The following PRKCA variants were observed in gnomAD, a reference collection of about 807,000 sequenced individuals.
PRKCA encodes the protein protein kinase C alpha type.
In PRKCA, 27 loss-of-function variants were observed where a neutral mutation model predicts 87.0. That is an observed-to-expected ratio of 0.31 (90% CI 0.23 to 0.43). The LOEUF (loss-of-function observed/expected upper bound fraction) is 0.43. Among genes scored for constraint, PRKCA ranks in the 20% least tolerant of loss-of-function variants. PRKCA has a pLI of 1.00. For missense variants in PRKCA, 518 were observed against 852.3 expected (o/e 0.61, Z 4.88); for synonymous variants, 329 against 311.1 (o/e 1.06, Z -0.61).
At chr17:66,503,628 A>G (rs1246273680) in intron 3 of PRKCA, among the ~76,000 whole-genome samples, 1 of 152,212 alleles carries the variant, frequency 6.6e-6, no homozygotes, top group African/African-American at 2.4e-5. Flanking sequence ...GACTCCGTGG[A>G]GGACTATATG....
intron 2 of PRKCA, among the ~76,000 whole-genome samples, chr17:66,316,800 A>G (rs1905340733): frequency 6.6e-6 from 1 of 152,096 alleles, no homozygotes; most frequent in African/African-American, 2.4e-5. Flanking sequence ...CAGTTATACT[A>G]GATACATGTA....
chr17:66,318,615 G>A (rs753431850), intron 2 of PRKCA, among the ~76,000 whole-genome samples: 15 of 152,192 alleles, frequency 9.9e-5, no homozygotes, highest in Non-Finnish European at 1.8e-4. Flanking sequence ...AGCACTTTGG[G>A]AGGCCGAGGT....
At chr17:66,484,936 TAC>T (rs2144067523) in intron 2 of PRKCA, among the ~76,000 whole-genome samples, 2 of 148,802 alleles carry the variant, frequency 1.3e-5, no homozygotes, top group African/African-American at 4.9e-5. Context: ...TATTAGGACA[TAC>T]ACCTTGGCTT....
chr17:66,313,066 A>G (rs1334361396), intron 2 of PRKCA, among the ~76,000 whole-genome samples: 1 of 152,100 alleles, frequency 6.6e-6, no homozygotes, highest in African/African-American at 2.4e-5. Flanking sequence ...TTCACACTGT[A>G]TCACCTCTCT....
chr17:66,617,038 A>G (rs1201777257), intron 3 of PRKCA, among the ~76,000 whole-genome samples: 3 of 152,202 alleles, frequency 2.0e-5, no homozygotes, highest in South Asian at 4.1e-4. Flanking sequence ...TGATTAACAC[A>G]GAACATTTAT....
chr17:66,478,134 A>G (rs1915614592), intron 2 of PRKCA, among the ~76,000 whole-genome samples: 1 of 152,216 alleles, frequency 6.6e-6, no homozygotes, highest in South Asian at 2.1e-4. Context: ...GTTGGTAGAT[A>G]AGAGGCAGAG....
intron 2 of PRKCA, among the ~76,000 whole-genome samples, chr17:66,338,213 C>T (rs1906824654): frequency 6.6e-6 from 1 of 152,046 alleles, no homozygotes; most frequent in Non-Finnish European, 1.5e-5. Flanking sequence ...TTGAGGCTGC[C>T]ATGTCTCGGC....
chr17:66,541,945 A>G (rs1205664179), intron 3 of PRKCA, among the ~76,000 whole-genome samples: 1 of 152,160 alleles, frequency 6.6e-6, no homozygotes, highest in Non-Finnish European at 1.5e-5. Context: ...TTGGCTGACC[A>G]CATTTGTTCT....
intron 3 of PRKCA, among the ~76,000 whole-genome samples, chr17:66,578,780 T>C (rs918768456): frequency 1.3e-5 from 2 of 152,212 alleles, no homozygotes; most frequent in African/African-American, 4.8e-5. Flanking sequence ...GTCGTGATAG[T>C]GTCCTAACTG....
intron 3 of PRKCA, 48 bp from the exon 4 acceptor site, chr17:66,641,307 G>A (rs774851863): frequency 1.4e-5 from 20 of 1,406,518 alleles, no homozygotes; most frequent in Admixed American, 1.0e-4. Flanking sequence ...ATCTAAAAAC[G>A]TGGTCCTTTC....
At chr17:66,488,247 TA>T (rs1274503357) in intron 2 of PRKCA, among the ~76,000 whole-genome samples, 1 of 152,192 alleles carries the variant, frequency 6.6e-6, no homozygotes, top group African/African-American at 2.4e-5. Flanking sequence ...GCGTGAACAA[TA>T]AAAGCGTGTA....
chr17:66,350,815 G>A lies in PRKCA; in HGVS notation c.205+44688G>A, dbSNP rs563415331. ...GCTGGGATTACAGACGTGAGGCACCGTGACTAGCCTGGGACCAGTTTTTGA... is the reference window on the plus strand; with the variant it reads ...GCTGGGATTACAGACGTGAGGCACCATGACTAGCCTGGGACCAGTTTTTGA... On this transcript the variant is annotated intron_variant, in intron 2 of 16. Coordinates refer to ENST00000413366, the MANE Select transcript of PRKCA (RefSeq NM_002737.3). 3.9e-5 allele frequency among the ~76,000 whole-genome samples: 6 copies of A among 152,268 alleles called. No homozygotes were observed. In the South Asian group the frequency reaches 1.2e-3, roughly 32 times the overall value.
At chr17:66,610,681 C>T (rs921569576) in intron 3 of PRKCA, among the ~76,000 whole-genome samples, 1 of 152,194 alleles carries the variant, frequency 6.6e-6, no homozygotes, top group Non-Finnish European at 1.5e-5. Flanking sequence ...CTTCCTGTTT[C>T]AGTCACGATC....
intron 2 of PRKCA, among the ~76,000 whole-genome samples, chr17:66,473,402 G>A (rs1286272909): frequency 6.6e-6 from 1 of 152,120 alleles, no homozygotes; most frequent in Non-Finnish European, 1.5e-5. Context: ...GAGCCGCTGT[G>A]CCCATTTCAG....
intron 2 of PRKCA, among the ~76,000 whole-genome samples, chr17:66,493,400 T>A (rs886995366): frequency 6.6e-6 from 1 of 152,004 alleles, no homozygotes; most frequent in Non-Finnish European, 1.5e-5. Context: ...TTACCCTTTC[T>A]GCTCTGGAAA....
intron 3 of PRKCA, among the ~76,000 whole-genome samples, chr17:66,625,503 C>T (rs183930646): frequency 3.8e-4 from 58 of 152,236 alleles, no homozygotes; most frequent in African/African-American, 1.3e-3. Context: ...TGGACACATT[C>T]GCAGTAGTAG....
intron 2 of PRKCA, among the ~76,000 whole-genome samples, chr17:66,493,705 TA>T (rs1184592015): frequency 1.3e-5 from 2 of 152,106 alleles, no homozygotes; most frequent in African/African-American, 4.8e-5. Context: ...TTCAATTTGC[TA>T]ATAATGCATG....
rs9902079 is a variant in PRKCA, at chr17:66,473,052, C to T, written c.206-23149C>T. 1.4e-3 allele frequency among the ~76,000 whole-genome samples: 215 copies of T among 152,268 alleles called. 1 individual carries two copies. The highest frequency in any genetic ancestry group is 4.9e-3 in the African/African-American group (202 of 41,542). On this transcript the variant is annotated intron_variant, in intron 2 of 16. Transcript: ENST00000413366. ...GAGCTACCATTATGGAGGAATTGCC[C>T]CATGCCCTGCAGCCACCTCTCCTCC...
At chr17:66,507,469 G>A (rs1466377051) in intron 3 of PRKCA, among the ~76,000 whole-genome samples, 2 of 152,198 alleles carry the variant, frequency 1.3e-5, no homozygotes, top group African/African-American at 2.4e-5. Context: ...GGAGTCTGGG[G>A]TCATTGTGAC....
Sources: gnomAD v4.1 joint callset for allele counts (sites outside exome capture counted in the v4.1 genomes callset) on GRCh38, gnomAD v4.1.1 for gene constraint, MANE v1.5 for transcripts, NCBI Gene and HGNC (gene_info 2026-07-23, HGNC 2026-07-21) for gene names.